Variants in SYTL5 observed in about 807,000 individuals in gnomAD.
SYTL5 encodes synaptotagmin-like protein 5.
A neutral mutation model predicts 55.9 loss-of-function variants in SYTL5; 34 were observed. That is an observed-to-expected ratio of 0.61 (90% CI 0.46 to 0.81). SYTL5 has a LOEUF of 0.81. Among genes scored for constraint, SYTL5 ranks in the 30% least tolerant of loss-of-function variants. The pLI, the probability that SYTL5 is intolerant of heterozygous loss-of-function variation, is 0.00. For synonymous variants in SYTL5, 221 were observed against 188.7 expected, an observed-to-expected ratio of 1.17 and a Z score of -1.40; for missense variants, 637 against 546.7, an observed-to-expected ratio of 1.17 and a Z score of -1.65.
intron 9 of SYTL5, among the ~76,000 whole-genome samples, chrX:38,098,187 T>C (rs1936986322): frequency 9.0e-6 from 1 of 111,039 alleles, no homozygotes; most frequent in African/African-American, 3.3e-5. Context: ...GAAAAAAAAC[T>C]GGTAAATTAA....
chrX:37,945,889 A>G, the SYTL5 span: 1 of 176,233 alleles, frequency 5.7e-6, no homozygotes, highest in Non-Finnish European at 1.2e-5. Flanking sequence ...GAGAAATGGC[A>G]ACAAATGAAA....
chrX:37,981,845 G>T, the SYTL5 span, among the ~76,000 whole-genome samples: 1 of 111,457 alleles, frequency 9.0e-6, no homozygotes, highest in Admixed American at 9.5e-5. Flanking sequence ...CAGCATCAAA[G>T]GTTTTATACT....
chrX:37,889,686 C>A, the SYTL5 span, among the ~76,000 whole-genome samples: 1 of 110,580 alleles, frequency 9.0e-6, no homozygotes, highest in Non-Finnish European at 1.9e-5. Context: ...ATTGCTTTAA[C>A]TTCTCTTGGA....
In SYTL5 at chrX:38,047,543, T is replaced by C. The variant is rs749456482; in HGVS notation, c.120-6670T>C. ...GGGCCCTGCCCATGAAACCTTTTTT[T>C]GTTCCAGGCCTGTGATAAGAGGGGT... On this transcript the variant is annotated intron_variant, in intron 2 of 16. Coordinates refer to ENST00000297875, the MANE Select transcript of SYTL5 (RefSeq NM_138780.3). Among the ~76,000 whole-genome samples, 178 of 112,703 alleles carry C rather than the reference T, an allele frequency of 1.6e-3. 2 individuals carry two copies. Among genetic ancestry groups the C allele is most frequent in the African/African-American group, 4.4e-3 (137 of 31,103 alleles).
chrX:38,004,924 T>C (rs191294993), upstream of SYTL5, among the ~76,000 whole-genome samples: 4 of 111,752 alleles, frequency 3.6e-5, no homozygotes, highest in Admixed American at 9.5e-5. Flanking sequence ...ATGAAGACAG[T>C]ATGATTGTAT....
intron 11 of SYTL5, among the ~76,000 whole-genome samples, chrX:38,107,283 G>A (rs1001638636): frequency 1.8e-5 from 2 of 111,653 alleles, no homozygotes; most frequent in Non-Finnish European, 3.8e-5. Context: ...TTCACTAGGA[G>A]GACTTAGGAC....
intron 9 of SYTL5, among the ~76,000 whole-genome samples, chrX:38,098,374 T>C (rs1375888943): frequency 9.0e-6 from 1 of 111,242 alleles, no homozygotes; most frequent in Non-Finnish European, 1.9e-5. Context: ...TCATATTAGA[T>C]AATGGGAAAA....
chrX:38,034,684 T>C (rs1935052282), intron 2 of SYTL5, among the ~76,000 whole-genome samples: 1 of 112,282 alleles, frequency 8.9e-6, no homozygotes, highest in African/African-American at 3.2e-5. Flanking sequence ...CATATTTAGC[T>C]GGTTTCCCCG....
the SYTL5 span, among the ~76,000 whole-genome samples, chrX:37,951,397 T>A: frequency 3.4e-4 from 38 of 111,324 alleles, no homozygotes; most frequent in South Asian, 2.2e-3. Context: ...TGAGTTTTTT[T>A]AAAAAAATCA....
intron 3 of SYTL5, among the ~76,000 whole-genome samples, chrX:38,071,019 T>C (rs1223675497): frequency 5.5e-5 from 6 of 109,253 alleles, no homozygotes; most frequent in African/African-American, 2.0e-4. Flanking sequence ...TATGAGAATA[T>C]GAAAAGAAGG....
rs57226394 is a variant in SYTL5, at chrX:38,094,367, C to T, written c.904C>T (p.Arg302Cys). The T allele has an allele frequency of 0.059, 71,385 of 1,203,157 alleles. 1,655 individuals are homozygous for T. The highest frequency in any genetic ancestry group is 0.093 in the Middle Eastern group (402 of 4,331). Residue 302 changes from arginine to cysteine, a missense_variant, in exon 8 of 17, where the codon CGC (arginine) becomes TGC (cysteine). By Grantham distance (180) the Arg-to-Cys change is radical. Transcript: ENST00000297875. ...GTSQELTKSH[R>C]RNTSGTPSIA... ...CTCTCAGGAGCTCACAAAGAGTCAC[C>T]GCAGAAACACTTCTGGCACACCTTC...
At chrX:38,074,173 C>G (rs1012154058) in intron 5 of SYTL5, among the ~76,000 whole-genome samples, 1 of 111,896 alleles carries the variant, frequency 8.9e-6, no homozygotes, top group African/African-American at 3.2e-5. Flanking sequence ...TTGGCCACCA[C>G]AGTAACTTAG....
the SYTL5 span, among the ~76,000 whole-genome samples, chrX:37,971,765 G>T: frequency 9.1e-6 from 1 of 109,833 alleles, no homozygotes; most frequent in Non-Finnish European, 1.9e-5. Context: ...CCTATGGAGC[G>T]CCCAGAAGGG....
At chrX:38,041,346 T>A (rs1407171425) in intron 2 of SYTL5, among the ~76,000 whole-genome samples, 2 of 112,429 alleles carry the variant, frequency 1.8e-5, no homozygotes, top group Non-Finnish European at 3.8e-5. Context: ...TTTTTCCAAA[T>A]CTTATCACTC....
the SYTL5 span, among the ~76,000 whole-genome samples, chrX:37,960,941 G>A: frequency 1.3e-4 from 14 of 109,265 alleles, no homozygotes; most frequent in South Asian, 2.8e-3. Context: ...GACTACAGGC[G>A]CCTGCCACCA....
chrX:38,101,277 G>A (rs1200515083), intron 9 of SYTL5, among the ~76,000 whole-genome samples: 1 of 111,013 alleles, frequency 9.0e-6, no homozygotes, highest in South Asian at 3.8e-4. Context: ...TACACAGGGA[G>A]CTTCTGCTTC....
the SYTL5 span, among the ~76,000 whole-genome samples, chrX:37,898,054 C>T: frequency 6.3e-5 from 7 of 111,043 alleles, no homozygotes; most frequent in Non-Finnish European, 1.1e-4. Context: ...GCCAAGATCA[C>T]GCGCCACTGC....
the SYTL5 span, chrX:37,939,491 A>T: frequency 8.9e-6 from 1 of 112,044 alleles, no homozygotes; most frequent in African/African-American, 3.2e-5. Flanking sequence ...GCCTGGCTTA[A>T]GATGAGACCT....
intron 1 of SYTL5, among the ~76,000 whole-genome samples, chrX:38,019,842 C>T (rs1053697215): frequency 1.8e-5 from 2 of 110,872 alleles, no homozygotes; most frequent in Non-Finnish European, 3.8e-5. Flanking sequence ...ATTATATTGC[C>T]CAGGCTGGTT....
Sources: gnomAD v4.1 joint callset for allele counts (sites outside exome capture counted in the v4.1 genomes callset) on GRCh38, gnomAD v4.1.1 for gene constraint, MANE v1.5 for transcripts, NCBI Gene and HGNC (gene_info 2026-07-23, HGNC 2026-07-21) for gene names.